Variants in PEAK1 observed in about 807,000 individuals in gnomAD.
PEAK1 encodes the protein inactive tyrosine-protein kinase PEAK1.
A neutral mutation model predicts 124.7 loss-of-function variants in PEAK1; 54 were observed. The ratio of observed to expected loss-of-function variants is 0.43; its 90% CI spans 0.35 to 0.54. The LOEUF (loss-of-function observed/expected upper bound fraction) is 0.54, where lower values mean the gene tolerates loss of function less well. PEAK1 is among the 20% of genes least tolerant of loss of function. The probability of loss-of-function intolerance (pLI) is 0.01; values close to 1 mark genes in which losing one functional copy is unlikely to be tolerated. For missense variants in PEAK1, 2,046 were observed against 2,134.5 expected (o/e 0.96, Z 0.82); for synonymous variants, 719 against 760.0 (o/e 0.95, Z 0.89).
chr15:77,175,183 T>C (rs1252745461), intron 7 of PEAK1, among the ~76,000 whole-genome samples: 4 of 152,112 alleles, frequency 2.6e-5, no homozygotes, highest in Non-Finnish European at 4.4e-5. Flanking sequence ...ATTCAGGACA[T>C]AGGCATGGGC....
intron 5 of PEAK1, among the ~76,000 whole-genome samples, chr15:77,277,771 A>G (rs545343755): frequency 6.6e-6 from 1 of 152,342 alleles, no homozygotes; most frequent in East Asian, 1.9e-4. Flanking sequence ...AGCATAGTGT[A>G]TGATTCCAAC....
At chr15:77,251,443 A>G (rs1363221867) in intron 6 of PEAK1, among the ~76,000 whole-genome samples, 2 of 152,220 alleles carry the variant, frequency 1.3e-5, no homozygotes, top group African/African-American at 4.8e-5. Flanking sequence ...AGGTAGAAAG[A>G]AAGAAAGGCA....
rs1022708769 is a variant in PEAK1 at position 77,335,103 on chromosome 15, G to A, written c.-603+30060C>T. ...AGCAAACTCTAGATCTATAAACAGTGTTCACAAATGCTTCTGGTCAAAGAG... is the reference window on the plus strand; with the variant it reads ...AGCAAACTCTAGATCTATAAACAGTATTCACAAATGCTTCTGGTCAAAGAG... On this transcript the variant is annotated intron_variant, in intron 2 of 9. Coordinates refer to ENST00000682557, the MANE Select transcript of PEAK1 (RefSeq NM_001385026.1). The A allele has an allele frequency of 1.1e-5, 11 of 985,320 alleles. No individual in the cohort carries two copies. The African/African-American group carries it at 1.4e-4, about 13-fold the overall frequency. The allele number at this position is 985,320 out of a possible 1,614,324, so 61.0% of individuals were successfully genotyped here.
chr15:77,258,490 T>C (rs1360832625), intron 5 of PEAK1, among the ~76,000 whole-genome samples: 5 of 152,194 alleles, frequency 3.3e-5, no homozygotes, highest in Non-Finnish European at 7.3e-5. Context: ...TTTGAAGCAA[T>C]TGTGAATGGG....
At chr15:77,264,977 C>A (rs1364947918) in intron 5 of PEAK1, among the ~76,000 whole-genome samples, 1 of 152,168 alleles carries the variant, frequency 6.6e-6, no homozygotes, top group Non-Finnish European at 1.5e-5. Flanking sequence ...TAATCTTTGA[C>A]AAACCTGAGA....
chr15:77,420,885 T>TCCAGC (rs1222023516), upstream of PEAK1: 123 of 398,696 alleles, frequency 3.1e-4, no homozygotes, highest in Non-Finnish European at 8.8e-6. Context: ...AGAATTTTTG[T>TCCAGC]CCAGCTGTGA....
intron 2 of PEAK1, chr15:77,335,442 C>T (rs1159625281): frequency 4.1e-6 from 4 of 985,180 alleles, no homozygotes; most frequent in Non-Finnish European, 4.8e-6. Context: ...TTGCCCAATA[C>T]TGTTGTCTGT....
At chr15:77,334,676 C>A (rs2141269776) in intron 2 of PEAK1, 1 of 985,296 alleles carries the variant, frequency 1.0e-6, no homozygotes, top group East Asian at 1.1e-4. Context: ...AGCATCATTT[C>A]CATCTATTTT....
chr15:77,310,083 T>G (rs2064346889), intron 2 of PEAK1, among the ~76,000 whole-genome samples: 1 of 152,170 alleles, frequency 6.6e-6, no homozygotes, highest in African/African-American at 2.4e-5. Context: ...AGACAATCTC[T>G]TATGTATGGG....
chr15:77,296,460 A>C (rs2063491343), intron 2 of PEAK1, among the ~76,000 whole-genome samples: 1 of 151,590 alleles, frequency 6.6e-6, no homozygotes, highest in Non-Finnish European at 1.5e-5. Flanking sequence ...TAAAAATATA[A>C]AAAATTAGCC....
chr15:77,122,720 G>A (rs2152725016), intron 9 of PEAK1, among the ~76,000 whole-genome samples: 1 of 152,252 alleles, frequency 6.6e-6, no homozygotes, highest in East Asian at 1.9e-4. Flanking sequence ...AACTAGGATG[G>A]CCATGAGTAT....
chr15:77,226,043 GGA>G (rs2059629857), intron 6 of PEAK1, among the ~76,000 whole-genome samples: 1 of 7,392 alleles, frequency 1.4e-4, no homozygotes, highest in Non-Finnish European at 3.3e-4. Context: ...GAAAATAAAG[GGA>G]TATATATATA....
In PEAK1 at chr15:77,357,041, AG is replaced by A. The variant is rs1419197248; in HGVS notation, c.-603+8121del. On this transcript the variant is annotated intron_variant, in intron 2 of 9. Coordinates refer to ENST00000682557, the MANE Select transcript of PEAK1 (RefSeq NM_001385026.1). ...CAGCACTTTGGGAGGCTGAGGTGGA[AG>A]GATTACCTGAGCCCAGGAGTTCAAG... 2.0e-5 allele frequency among the ~76,000 whole-genome samples: 3 copies of A among 152,160 alleles called. No individual in the cohort carries two copies. The East Asian group carries it at 5.8e-4, about 29-fold the overall frequency.
intron 5 of PEAK1, chr15:77,255,536 C>G (rs925686466): frequency 9.3e-6 from 2 of 215,530 alleles, no homozygotes. Context: ...CCAAAATATG[C>G]GGCCATATGC....
intron 2 of PEAK1, among the ~76,000 whole-genome samples, chr15:77,342,577 T>A (rs2066613542): frequency 6.6e-6 from 1 of 152,078 alleles, no homozygotes; most frequent in Non-Finnish European, 1.5e-5. Flanking sequence ...GGCTAATTTT[T>A]AAAAATTTTT....
Position 77,133,759 on chromosome 15 carries a change from T to A in PEAK1, c.3332-9A>T. 1 of 1,536,400 alleles carries A rather than the reference T, an allele frequency of 6.5e-7. No homozygotes were observed. Among genetic ancestry groups the A allele is most frequent in the Non-Finnish European group, 8.7e-7 (1 of 1,144,928 alleles). On this transcript the variant is annotated splice_polypyrimidine_tract_variant and intron_variant, in intron 8 of 9. Transcript: ENST00000682557. This position sits in a 1 kb window ranked among gnomAD's most constrained non-coding sequence, Gnocchi z 4.2. ...GGCTGCTCTAGATTGCCCTGTATTG[T>A]TTTTAAAGCAATAAAAAGAAAAGAG...
chr15:77,204,281 T>C (rs1021292680), intron 6 of PEAK1, among the ~76,000 whole-genome samples: 33 of 152,142 alleles, frequency 2.2e-4, no homozygotes, highest in African/African-American at 7.7e-4. Context: ...CAACAGAAAC[T>C]TATCCATTGC....
At chr15:77,313,286 C>G (rs1384000745) in intron 2 of PEAK1, among the ~76,000 whole-genome samples, 3 of 152,084 alleles carry the variant, frequency 2.0e-5, no homozygotes, top group Admixed American at 2.0e-4. Flanking sequence ...TAAAGTAATA[C>G]TGGATTAAAA....
intron 8 of PEAK1, among the ~76,000 whole-genome samples, chr15:77,154,339 T>C (rs2054929613): frequency 1.3e-5 from 2 of 152,294 alleles, no homozygotes; most frequent in Admixed American, 6.5e-5. Flanking sequence ...ATTTGCTTGG[T>C]AGATCTTCCT....
Sources: gnomAD v4.1 joint callset for allele counts (sites outside exome capture counted in the v4.1 genomes callset) on GRCh38, gnomAD v4.1.1 for gene constraint, Gnocchi (gnomAD v3.1) non-coding constraint, MANE v1.5 for transcripts, NCBI Gene and HGNC (gene_info 2026-07-23, HGNC 2026-07-21) for gene names.